The following IREB2 variants were observed in gnomAD, a reference collection of about 807,000 sequenced individuals.
The protein encoded by IREB2 is iron responsive element binding protein 2.
In IREB2, 39 loss-of-function variants were observed where a neutral mutation model predicts 118.8. The observed-to-expected ratio is 0.33, with a 90% CI of 0.25 to 0.43. The LOEUF is 0.43. Among genes scored for constraint, IREB2 ranks in the 20% least tolerant of loss-of-function variants. The probability of loss-of-function intolerance (pLI) is 1.00; values close to 1 mark genes in which losing one functional copy is unlikely to be tolerated. For synonymous variants in IREB2, 372 were observed against 392.2 expected (o/e 0.95, Z 0.61); for missense variants, 900 against 1,147.3 (o/e 0.78, Z 3.11).
intron 2 of IREB2, among the ~76,000 whole-genome samples, chr15:78,447,320 T>A (rs952690015): frequency 7.4e-5 from 11 of 147,948 alleles, no homozygotes; most frequent in Admixed American, 6.9e-4. Flanking sequence ...AAGACACCAC[T>A]ACACCTGGCT....
chr15:78,449,559 A>G (rs2050988540), intron 2 of IREB2, among the ~76,000 whole-genome samples: 1 of 152,246 alleles, frequency 6.6e-6, no homozygotes, highest in African/African-American at 2.4e-5. Flanking sequence ...TCTGATTGAA[A>G]GACCTGTAGT....
Position 78,465,309 on chromosome 15 carries a change from G to C in IREB2, c.331G>C (p.Gly111Arg). The C allele has an allele frequency of 6.2e-7, 1 of 1,613,646 alleles. No individual in the cohort carries two copies. Among genetic ancestry groups the C allele is most frequent in the Admixed American group, 1.7e-5 (1 of 59,922 alleles). Residue 111 changes from glycine to arginine, a missense_variant, in exon 4 of 22, where the codon GGT (glycine) becomes CGT (arginine). Gly to Arg is a moderately radical substitution (Grantham distance 125, BLOSUM62 -2). Transcript: ENST00000258886. ...AMREAVKTLG[G>R]DPEKVHPACP... ...GAGGGAGGCAGTGAAAACTCTTGGA[G>C]GTGATCCTGAGAAAGTCCATCCTGC...
chr15:78,487,595 A>G (rs2051681130), intron 13 of IREB2, 138 bp from the exon 14 acceptor site: 1 of 563,174 alleles, frequency 1.8e-6, no homozygotes. Context: ...AGGTGAATAT[A>G]TTGATGAAGG....
intron 2 of IREB2, among the ~76,000 whole-genome samples, chr15:78,442,353 A>G (rs1345270397): frequency 6.6e-6 from 1 of 152,238 alleles, no homozygotes; most frequent in Non-Finnish European, 1.5e-5. Flanking sequence ...AGAACAAAAA[A>G]TCCTTATTGC....
chr15:78,483,153 A>C (rs1289879350), intron 10 of IREB2, among the ~76,000 whole-genome samples, 165 bp from the exon 11 acceptor site: 2 of 152,142 alleles, frequency 1.3e-5, no homozygotes, highest in African/African-American at 4.8e-5. Context: ...TGCTTGTTTT[A>C]AAATCTTTAT....
chr15:78,465,516 T>C, intron 4 of IREB2, 128 bp downstream of exon 4: 2 of 832,908 alleles, frequency 2.4e-6, no homozygotes, highest in African/African-American at 1.7e-5. Flanking sequence ...TTGGCTAGTA[T>C]ATAAAAGCTA....
intron 2 of IREB2, among the ~76,000 whole-genome samples, chr15:78,449,749 C>T (rs969620864): frequency 2.0e-5 from 3 of 152,110 alleles, no homozygotes; most frequent in African/African-American, 7.2e-5. Context: ...GTCTTGGGAG[C>T]CTTGGTTTGC....
At chr15:78,444,335 T>C (rs1195920100) in intron 2 of IREB2, among the ~76,000 whole-genome samples, 1 of 152,174 alleles carries the variant, frequency 6.6e-6, no homozygotes, top group Non-Finnish European at 1.5e-5. Context: ...GAAACATGAA[T>C]GACTATGTTG....
chr15:78,465,940 A>T (rs1325003552), intron 4 of IREB2, among the ~76,000 whole-genome samples: 1 of 152,222 alleles, frequency 6.6e-6, no homozygotes, highest in Admixed American at 6.5e-5. Context: ...CCTCGAGATA[A>T]ACTGTAGCTC....
intron 1 of IREB2, 115 bp downstream of exon 1, chr15:78,438,471 C>A: frequency 1.6e-6 from 2 of 1,234,994 alleles, no homozygotes; most frequent in Non-Finnish European, 2.3e-6. Flanking sequence ...GCCCTCGGGG[C>A]TCGGGTTGTG....
At chr15:78,465,170 T>C (rs1233684015) in intron 3 of IREB2, 81 bp from the exon 4 acceptor site, 4 of 1,144,470 alleles carry the variant, frequency 3.5e-6, no homozygotes, top group East Asian at 2.5e-5. Context: ...TTTTAAAATA[T>C]GAAAATGAAA....
intron 4 of IREB2, among the ~76,000 whole-genome samples, chr15:78,465,639 T>A (rs1789343971): frequency 6.6e-6 from 1 of 152,140 alleles, no homozygotes; most frequent in Non-Finnish European, 1.5e-5. Context: ...AGTGAACCTC[T>A]GTATTCAGTC....
upstream of IREB2, chr15:78,438,043 G>A: frequency 2.1e-6 from 1 of 476,454 alleles, no homozygotes; most frequent in South Asian, 2.9e-5. Flanking sequence ...AGCCTCCCCA[G>A]CGCTCCGCCC....
In IREB2 at chr15:78,490,736, G is replaced by C; in HGVS notation, c.2299G>C (p.Ala767Pro). Residue 767 changes from alanine (A) to proline (P), a missense_variant, in exon 18 of 22, where the codon GCC (alanine) becomes CCC (proline). Coordinates refer to ENST00000258886, the MANE Select transcript of IREB2 (RefSeq NM_004136.4). ...PAGSIARNSA[A>P]AKYLTNRGLT... ...AGGAAGTATCGCTAGGAATAGTGCT[G>C]CCGCTAAGTATTTGACAAACAGAGG... 6.2e-7 allele frequency: 1 copy of C among 1,614,092 alleles called. No homozygotes were observed. Among genetic ancestry groups the C allele is most frequent in the Admixed American group, 1.7e-5 (1 of 60,006 alleles).
At chr15:78,447,611 G>A (rs1329264546) in intron 2 of IREB2, among the ~76,000 whole-genome samples, 3 of 151,994 alleles carry the variant, frequency 2.0e-5, no homozygotes, top group Admixed American at 1.3e-4. Flanking sequence ...GAGTACAGGC[G>A]TGAGCCACCA....
At chr15:78,474,216 G>A (rs1336074671) in intron 8 of IREB2, 1 of 152,156 alleles carries the variant, frequency 6.6e-6, no homozygotes. Flanking sequence ...CCTGGAAAAT[G>A]TTCCACATAT....
At chr15:78,483,465 C>A in intron 11 of IREB2, 31 bp downstream of exon 11, 2 of 1,210,632 alleles carry the variant, frequency 1.7e-6, no homozygotes, top group Non-Finnish European at 2.5e-6. Context: ...CCGTGTTTTT[C>A]AACCCGCTTT....
intron 15 of IREB2, 98 bp from the exon 16 acceptor site, chr15:78,488,549 G>T: frequency 8.1e-7 from 1 of 1,238,916 alleles, no homozygotes; most frequent in East Asian, 2.5e-5. Context: ...GCACCCTGTT[G>T]AATCATTTAC....
chr15:78,486,564 C>G (rs566221958), intron 13 of IREB2, among the ~76,000 whole-genome samples: 1 of 152,012 alleles, frequency 6.6e-6, no homozygotes, highest in Non-Finnish European at 1.5e-5. Context: ...CAGATCGTGC[C>G]GCTGCACTCC....
Sources: gnomAD v4.1 joint callset for allele counts (sites outside exome capture counted in the v4.1 genomes callset) on GRCh38, gnomAD v4.1.1 for gene constraint, MANE v1.5 for transcripts, NCBI Gene and HGNC (gene_info 2026-07-23, HGNC 2026-07-21) for gene names.